The following RIBC2 variants were observed in gnomAD, a reference collection of about 807,000 sequenced individuals.
The protein encoded by RIBC2 is RIB43A domain with coiled-coils 2.
A neutral mutation model predicts 44.3 loss-of-function variants in RIBC2; 40 were observed. That is an observed-to-expected ratio of 0.90 (90% CI 0.70 to 1.18). The LOEUF is 1.18. RIBC2 is among the 50% of genes most tolerant of loss of function. The probability of loss-of-function intolerance (pLI) is 0.00; values close to 1 mark genes in which losing one functional copy is unlikely to be tolerated. For missense variants in RIBC2, 459 were observed against 485.5 expected (o/e 0.95, Z 0.51); for synonymous variants, 171 against 175.0 (o/e 0.98, Z 0.18).
chr22:45,424,115 G>C (rs759860388), intron 4 of RIBC2, among the ~76,000 whole-genome samples: 5 of 152,244 alleles, frequency 3.3e-5, no homozygotes, highest in African/African-American at 9.6e-5. Context: ...GGTTTTCTCA[G>C]ACCCCCGGCT....
At chr22:45,419,637 G>T (rs1296892415) in intron 3 of RIBC2, among the ~76,000 whole-genome samples, 5 of 152,020 alleles carry the variant, frequency 3.3e-5, no homozygotes, top group Non-Finnish European at 7.4e-5. Context: ...AGGAGGCTGA[G>T]GCAGGAGGAT....
intron 3 of RIBC2, among the ~76,000 whole-genome samples, chr22:45,419,659 G>T (rs796782846): frequency 6.6e-6 from 1 of 151,550 alleles, no homozygotes. Flanking sequence ...ACTGAGCCTG[G>T]AAGGTCAAGG....
chr22:45,421,551 T>C (rs1398160393), intron 3 of RIBC2, among the ~76,000 whole-genome samples: 2 of 26,918 alleles, frequency 7.4e-5, no homozygotes, highest in African/African-American at 3.9e-4. Flanking sequence ...ATATTAATAA[T>C]AATAATAGTA....
rs1235711323 is a variant in RIBC2, at chr22:45,426,025, C to T, written c.753C>T (p.Leu251=). The T allele has an allele frequency of 1.2e-6, 2 of 1,614,012 alleles. No individual in the cohort carries two copies. Among genetic ancestry groups the T allele is most frequent in the East Asian group, 2.2e-5 (1 of 44,898 alleles). Residue 251 remains leucine (L), a synonymous_variant, in exon 5 of 7, where the codon CTC becomes CTT. Coordinates refer to ENST00000614167, the MANE Select transcript of RIBC2 (RefSeq NM_015653.5). ...QEDNLAEITN[L]LRGDLLSENP... ...ACAACTTGGCCGAGATCACCAACCTCCTGCGTGGGGACCTGCTCTCCGAGA... is the reference window on the plus strand; with the variant it reads ...ACAACTTGGCCGAGATCACCAACCTTCTGCGTGGGGACCTGCTCTCCGAGA...
intron 3 of RIBC2, among the ~76,000 whole-genome samples, chr22:45,418,657 G>A (rs961754331): frequency 1.3e-5 from 2 of 152,126 alleles, no homozygotes; most frequent in African/African-American, 4.8e-5. Context: ...GAGGAGCTAT[G>A]AGGAAGACAA....
chr22:45,414,483 C>T (rs2087399097), intron 2 of RIBC2, 80 bp downstream of exon 2: 1 of 930,298 alleles, frequency 1.1e-6, no homozygotes, highest in Non-Finnish European at 1.6e-6. Flanking sequence ...GTCCCCCTGC[C>T]CCGCCTTTTT....
chr22:45,421,544 TTAATAATAATAATAG>T (rs1569208881), intron 3 of RIBC2, among the ~76,000 whole-genome samples: 16 of 113,208 alleles, frequency 1.4e-4, no homozygotes, highest in South Asian at 5.5e-4. Context: ...ATTAATAATA[TTAATAATAATAATAG>T]TATTATTAAT....
chr22:45,425,272 G>C (rs1198869289), intron 4 of RIBC2, among the ~76,000 whole-genome samples: 1 of 152,138 alleles, frequency 6.6e-6, no homozygotes, highest in African/African-American at 2.4e-5. Context: ...CAATCAAGCT[G>C]GCCTCTGGTG....
chr22:45,425,520 G>A (rs985378872), intron 4 of RIBC2, among the ~76,000 whole-genome samples: 2 of 152,226 alleles, frequency 1.3e-5, no homozygotes, highest in African/African-American at 4.8e-5. Context: ...GACCACTGAA[G>A]TGACAGTGCA....
At chr22:45,423,454 A>T (rs1336992558) in intron 4 of RIBC2, among the ~76,000 whole-genome samples, 1 of 152,216 alleles carries the variant, frequency 6.6e-6, no homozygotes, top group Non-Finnish European at 1.5e-5. Flanking sequence ...GGGAGAGCAG[A>T]TACCAGAGCC....
chr22:45,430,067 G>A (rs1192944942), intron 5 of RIBC2, among the ~76,000 whole-genome samples: 1 of 152,144 alleles, frequency 6.6e-6, no homozygotes, highest in Non-Finnish European at 1.5e-5. Context: ...GAGCAGCCTG[G>A]CTTTACAGCG....
intron 2 of RIBC2, 111 bp from the exon 3 acceptor site, chr22:45,417,491 C>T (rs2087435902): frequency 8.6e-6 from 7 of 815,062 alleles, no homozygotes; most frequent in South Asian, 2.0e-5. Flanking sequence ...CCAGCCCAGG[C>T]AACATAATGA....
rs139638071 is a variant in RIBC2 at position 45,421,615 on chromosome 22, GTTA to G, written c.557-669_557-667del. Among the ~76,000 whole-genome samples the G allele has an allele frequency of 4.1e-3, 583 of 143,096 alleles. 8 individuals carry two copies. The highest frequency in any genetic ancestry group is 0.013 in the African/African-American group (532 of 39,454). 93.9% of individuals were successfully genotyped at this position (143,096 alleles called of 152,430 possible). A position where few individuals can be genotyped will look rare whatever the true frequency, so the allele number is the denominator to read the frequency against. ...TAATAGTATTATTAATAATAATAATGTTATTATTCTGCAAAGGAGGTATGTCCT... is the reference window on the plus strand; with the variant it reads ...TAATAGTATTATTAATAATAATAATGTTATTCTGCAAAGGAGGTATGTCCT... On this transcript the variant is annotated intron_variant, in intron 3 of 6. Coordinates refer to ENST00000614167, the MANE Select transcript of RIBC2 (RefSeq NM_015653.5).
chr22:45,417,016 C>T (rs2087431802), intron 2 of RIBC2, among the ~76,000 whole-genome samples: 1 of 151,444 alleles, frequency 6.6e-6, no homozygotes, highest in Admixed American at 6.6e-5. Flanking sequence ...ATTCTTTTGC[C>T]TCAGCCTCCC....
At chr22:45,431,101 AC>A in intron 6 of RIBC2, 35 bp downstream of exon 6, 1 of 1,555,318 alleles carries the variant, frequency 6.4e-7, no homozygotes, top group Non-Finnish European at 8.7e-7. Context: ...CAGGTGGGGG[AC>A]CGGGTGGAGG....
At chr22:45,422,542 A>G in intron 4 of RIBC2, 134 bp downstream of exon 4, 1 of 707,924 alleles carries the variant, frequency 1.4e-6, no homozygotes, top group Non-Finnish European at 2.5e-6. Context: ...GCCCTGACAG[A>G]GACCCTGATG....
intron 3 of RIBC2, among the ~76,000 whole-genome samples, chr22:45,420,047 C>G (rs1005932590): frequency 6.6e-6 from 1 of 152,152 alleles, no homozygotes; most frequent in African/African-American, 2.4e-5. Context: ...AAAAGCATCT[C>G]TCAGCTGCTC....
At chr22:45,417,520 G>A in intron 2 of RIBC2, 82 bp from the exon 3 acceptor site, 2 of 1,171,702 alleles carry the variant, frequency 1.7e-6, no homozygotes, top group Non-Finnish European at 2.4e-6. Context: ...CTCTAAAAAA[G>A]TAAATAATAA....
At position 45,421,508 on chromosome 22, in the gene RIBC2, G is replaced by T. The variant is rs5765339; in HGVS notation, c.557-782G>T. On this transcript the variant is annotated intron_variant, in intron 3 of 6. Coordinates refer to ENST00000614167, the MANE Select transcript of RIBC2 (RefSeq NM_015653.5). ...TAATTAATTATTATTATTAATAATA[G>T]TATTATTAATAATAATAATAGTATT... Among the ~76,000 whole-genome samples, 78 of 138,474 alleles carry T rather than the reference G, an allele frequency of 5.6e-4. 2 individuals carry two copies. Among genetic ancestry groups the T allele is most frequent in the East Asian group, 1.0e-3 (5 of 4,872 alleles). The allele number at this position is 138,474 out of a possible 152,430, so 90.8% of individuals were successfully genotyped here.
Sources: allele counts gnomAD v4.1 joint callset (sites outside exome capture counted in the v4.1 genomes callset), GRCh38; gene constraint gnomAD v4.1.1; transcripts MANE v1.5; gene names NCBI Gene and HGNC (gene_info 2026-07-23, HGNC 2026-07-21).